The following ALPK2 variants were observed in gnomAD, a reference collection of about 807,000 sequenced individuals.
The protein encoded by ALPK2 is alpha-protein kinase 2.
A neutral mutation model predicts 163.1 loss-of-function variants in ALPK2; 127 were observed. That is an observed-to-expected ratio of 0.78 (90% CI 0.67 to 0.90). The LOEUF is 0.90. Among genes scored for constraint, ALPK2 ranks in the 40% least tolerant of loss-of-function variants. The pLI is 0.00. For synonymous variants in ALPK2, 953 were observed against 959.1 expected, an observed-to-expected ratio of 0.99 and a Z score of 0.12; for missense variants, 2,360 against 2,589.6, an observed-to-expected ratio of 0.91 and a Z score of 1.92.
chr18:58,579,027 A>C lies in ALPK2; in HGVS notation c.1749T>G (p.Thr583=). 6.2e-7 allele frequency: 1 copy of C among 1,614,192 alleles called. No homozygotes were observed. The highest frequency in any genetic ancestry group is 8.5e-7 in the Non-Finnish European group (1 of 1,180,030). ...CAGTCGCTGCTGCTGTGGTGTGAGA[A>C]GTCTCTCTTTTATCACTCTGGGTTA... The part of the protein sequence containing the change: ...PPLTQSDKRE[T]SHTTAAATGR... Residue 583 remains threonine, a synonymous_variant, in exon 4 of 13, where the codon ACT becomes ACG. Coordinates refer to ENST00000361673, the MANE Select transcript of ALPK2 (RefSeq NM_052947.4).
At chr18:58,623,211 A>T (rs1187255631) in intron 1 of ALPK2, among the ~76,000 whole-genome samples, 1 of 151,942 alleles carries the variant, frequency 6.6e-6, no homozygotes, top group African/African-American at 2.4e-5. Flanking sequence ...CACTTTTCAT[A>T]TAATGCCTCC....
intron 4 of ALPK2, among the ~76,000 whole-genome samples, chr18:58,557,446 G>A (rs1011830384): frequency 6.6e-6 from 1 of 151,988 alleles, no homozygotes; most frequent in Non-Finnish European, 1.5e-5. Context: ...TGTCAATGTA[G>A]GTTTACCGAT....
At chr18:58,578,738 A>ACACACGCGCG in intron 4 of ALPK2, 76 bp downstream of exon 4, 2 of 936,500 alleles carry the variant, frequency 2.1e-6, no homozygotes, top group East Asian at 2.7e-5. Context: ...GAAGAGACAC[A>ACACACGCGCG]CACACACACA....
At chr18:58,573,272 A>ATATATG (rs1178380376) in intron 4 of ALPK2, among the ~76,000 whole-genome samples, 43 of 132,460 alleles carry the variant, frequency 3.2e-4, no homozygotes, top group South Asian at 4.8e-4. Flanking sequence ...GTGTATATAT[A>ATATATG]TGTATATATG....
chr18:58,585,818 G>C (rs1464839262), intron 3 of ALPK2, among the ~76,000 whole-genome samples: 1 of 151,954 alleles, frequency 6.6e-6, no homozygotes, highest in African/African-American at 2.4e-5. Context: ...CAAGTAGCTG[G>C]GACTATAGGC....
chr18:58,486,169 C>T (rs1478330314), intron 12 of ALPK2, among the ~76,000 whole-genome samples: 1 of 152,226 alleles, frequency 6.6e-6, no homozygotes, highest in Non-Finnish European at 1.5e-5. Flanking sequence ...CCTCCTTCTC[C>T]ACCTCCACTT....
At chr18:58,507,290 G>A (rs1164269352) in intron 10 of ALPK2, among the ~76,000 whole-genome samples, 2 of 152,162 alleles carry the variant, frequency 1.3e-5, no homozygotes, top group Non-Finnish European at 2.9e-5. Flanking sequence ...TGCATGCAAA[G>A]ACGTGACCAG....
chr18:58,546,936 T>G (rs1056408019), intron 4 of ALPK2, among the ~76,000 whole-genome samples: 2 of 152,148 alleles, frequency 1.3e-5, no homozygotes, highest in African/African-American at 2.4e-5. Context: ...TTTGGTTTTG[T>G]TTTGTCTTTT....
At chr18:58,541,210 C>T (rs2144152938) in intron 4 of ALPK2, among the ~76,000 whole-genome samples, 1 of 152,362 alleles carries the variant, frequency 6.6e-6, no homozygotes, top group South Asian at 2.1e-4. Context: ...CTGGAGAGGC[C>T]TCAGGGAACT....
chr18:58,580,638 T>A, intron 3 of ALPK2, 90 bp from the exon 4 acceptor site: 1 of 1,173,676 alleles, frequency 8.5e-7, no homozygotes. Context: ...AAAATGACCA[T>A]CATTTTACTG....
At chr18:58,549,962 G>A (rs945903665) in intron 4 of ALPK2, among the ~76,000 whole-genome samples, 1 of 152,060 alleles carries the variant, frequency 6.6e-6, no homozygotes, top group Non-Finnish European at 1.5e-5. Context: ...GGACCTACGT[G>A]CCCCTCTCAC....
intron 3 of ALPK2, among the ~76,000 whole-genome samples, chr18:58,587,616 A>G (rs1466328589): frequency 6.6e-6 from 1 of 152,214 alleles, no homozygotes; most frequent in East Asian, 1.9e-4. Flanking sequence ...AAAATTCACA[A>G]AAGGGCTCTA....
chr18:58,580,609 C>A, intron 3 of ALPK2, 61 bp from the exon 4 acceptor site: 1 of 1,306,456 alleles, frequency 7.7e-7, no homozygotes, highest in East Asian at 2.3e-5. Flanking sequence ...CCAACATTTT[C>A]ACACCATGGC....
intron 8 of ALPK2, among the ~76,000 whole-genome samples, chr18:58,517,467 A>AT (rs2051528289): frequency 6.6e-6 from 1 of 152,234 alleles, no homozygotes; most frequent in Admixed American, 6.5e-5. Flanking sequence ...TCTGGAAAAT[A>AT]TAAGTGGAAC....
intron 6 of ALPK2, 49 bp from the exon 7 acceptor site, chr18:58,524,111 C>A: frequency 6.4e-7 from 1 of 1,571,824 alleles, no homozygotes; most frequent in Non-Finnish European, 8.7e-7. Flanking sequence ...TCTACAGTTG[C>A]ATTTTTTCCT....
chr18:58,578,325 T>G (rs1290130856), intron 4 of ALPK2: 1 of 153,172 alleles, frequency 6.5e-6, no homozygotes, highest in Non-Finnish European at 1.5e-5. Context: ...CTGAAGTCTT[T>G]CATTCATACC....
intron 3 of ALPK2, among the ~76,000 whole-genome samples, chr18:58,605,673 G>C (rs778094906): frequency 1.3e-5 from 2 of 152,238 alleles, no homozygotes; most frequent in Non-Finnish European, 2.9e-5. Context: ...GAACCTTACA[G>C]CTGGTTTCTA....
At chr18:58,502,972 C>G (rs529266516) in intron 11 of ALPK2, among the ~76,000 whole-genome samples, 1 of 152,306 alleles carries the variant, frequency 6.6e-6, no homozygotes, top group South Asian at 2.1e-4. Context: ...CCAGCGCCCA[C>G]GGCAGTCACT....
chr18:58,563,138 C>A (rs774017146), intron 4 of ALPK2, among the ~76,000 whole-genome samples: 1 of 151,024 alleles, frequency 6.6e-6, no homozygotes, highest in African/African-American at 2.5e-5. Flanking sequence ...GAAATGATAT[C>A]CATATCTATT....
Sources: gnomAD v4.1 joint callset for allele counts (sites outside exome capture counted in the v4.1 genomes callset) on GRCh38, gnomAD v4.1.1 for gene constraint, MANE v1.5 for transcripts, NCBI Gene and HGNC (gene_info 2026-07-23, HGNC 2026-07-21) for gene names.